The following TP63 variants were observed in gnomAD, a reference collection of about 807,000 sequenced individuals.
TP63 encodes tumor protein 63.
In TP63, 17 loss-of-function variants were observed where a neutral mutation model predicts 82.8. The observed-to-expected ratio is 0.21, with a 90% CI of 0.14 to 0.31. The LOEUF is 0.31. Among genes scored for constraint, TP63 ranks in the 10% least tolerant of loss-of-function variants. The pLI, the probability that TP63 is intolerant of heterozygous loss-of-function variation, is 1.00. For synonymous variants in TP63, 330 were observed against 321.7 expected (o/e 1.03, Z -0.28); for missense variants, 648 against 895.3 (o/e 0.72, Z 3.52).
chr3:189,808,169 G>T, intron 3 of TP63, 103 bp from the exon 4 acceptor site: 1 of 1,593,610 alleles, frequency 6.3e-7, no homozygotes, highest in Non-Finnish European at 8.6e-7. Context: ...CTTCCGACGT[G>T]AGGTCCATCT....
At chr3:189,639,986 A>T (rs972647117) in intron 1 of TP63, among the ~76,000 whole-genome samples, 34 of 152,106 alleles carry the variant, frequency 2.2e-4, no homozygotes, top group Admixed American at 2.6e-4. Context: ...TAAAAACATC[A>T]AACTTTAAAT....
intron 1 of TP63, among the ~76,000 whole-genome samples, chr3:189,707,602 G>A (rs908075698): frequency 6.6e-6 from 1 of 152,052 alleles, no homozygotes; most frequent in Admixed American, 6.6e-5. Context: ...TTTTACATAT[G>A]TCATAGTAAA....
chr3:189,637,495 T>C (rs1458462416), intron 1 of TP63, among the ~76,000 whole-genome samples: 2 of 152,156 alleles, frequency 1.3e-5, no homozygotes, highest in Admixed American at 6.6e-5. Context: ...TCTTATACTT[T>C]AGAATTAAGG....
chr3:189,800,876 A>G (rs1266975223), intron 3 of TP63, among the ~76,000 whole-genome samples: 3 of 152,294 alleles, frequency 2.0e-5, no homozygotes, highest in Middle Eastern at 3.4e-3. Flanking sequence ...TGGAAGATGG[A>G]TGATAAGTAG....
chr3:189,708,398 G>C (rs1395114895), intron 1 of TP63, among the ~76,000 whole-genome samples: 1 of 152,174 alleles, frequency 6.6e-6, no homozygotes, highest in Non-Finnish European at 1.5e-5. Context: ...TTTTGGTTCA[G>C]TCATTTATAC....
chr3:189,680,244 TTA>T (rs2108689684), intron 1 of TP63, among the ~76,000 whole-genome samples: 1 of 152,242 alleles, frequency 6.6e-6, no homozygotes, highest in Admixed American at 6.5e-5. Flanking sequence ...ATATTTTCAT[TTA>T]TATGTGTCTT....
chr3:189,784,528 GT>G (rs2108581826), intron 3 of TP63, among the ~76,000 whole-genome samples: 1 of 152,146 alleles, frequency 6.6e-6, no homozygotes, highest in Non-Finnish European at 1.5e-5. Flanking sequence ...AATTTTGTGA[GT>G]ATTAAATGAG....
intron 4 of TP63, among the ~76,000 whole-genome samples, chr3:189,812,820 C>A (rs1215157589): frequency 6.6e-6 from 1 of 152,012 alleles, no homozygotes; most frequent in Non-Finnish European, 1.5e-5. Flanking sequence ...AACTTTAGTA[C>A]CTTTAGTTGT....
intron 1 of TP63, among the ~76,000 whole-genome samples, chr3:189,727,475 G>A (rs1719853930): frequency 6.6e-6 from 1 of 152,202 alleles, no homozygotes; most frequent in East Asian, 1.9e-4. Context: ...GAGGTTGCAA[G>A]ATCACTGTTA....
intron 1 of TP63, among the ~76,000 whole-genome samples, chr3:189,736,265 T>C (rs989616187): frequency 6.6e-6 from 1 of 151,766 alleles, no homozygotes; most frequent in African/African-American, 2.4e-5. Flanking sequence ...ACATAGCATA[T>C]AAGTTTCTTC....
chr3:189,868,531 C>T (rs1297386531), intron 7 of TP63, 49 bp from the exon 8 acceptor site: 1 of 1,609,728 alleles, frequency 6.2e-7, no homozygotes, highest in Admixed American at 1.7e-5. Flanking sequence ...AGGGGACTTT[C>T]AAAATGCTTT....
chr3:189,807,681 C>T (rs1486561534), intron 3 of TP63, among the ~76,000 whole-genome samples: 2 of 152,170 alleles, frequency 1.3e-5, no homozygotes, highest in African/African-American at 4.8e-5. Context: ...GTGTCCCTAA[C>T]CCCGCTACCC....
At chr3:189,685,728 G>A (rs1024072834) in intron 1 of TP63, among the ~76,000 whole-genome samples, 2 of 152,098 alleles carry the variant, frequency 1.3e-5, no homozygotes, top group Non-Finnish European at 2.9e-5. Flanking sequence ...TAGCAATATT[G>A]ATATTAAATT....
chr3:189,778,701 C>T (rs944046665), intron 3 of TP63, among the ~76,000 whole-genome samples: 6 of 152,166 alleles, frequency 3.9e-5, no homozygotes, highest in African/African-American at 1.4e-4. Context: ...TAAAGAGATG[C>T]TTAGACTGAA....
intron 4 of TP63, among the ~76,000 whole-genome samples, chr3:189,841,136 A>G (rs905791599): frequency 6.6e-6 from 1 of 152,184 alleles, no homozygotes; most frequent in Non-Finnish European, 1.5e-5. Context: ...ACAGGAAGAC[A>G]TCCTGCAATG....
intron 1 of TP63, among the ~76,000 whole-genome samples, chr3:189,672,660 G>A (rs371681056): frequency 0.021 from 2,200 of 102,892 alleles, 23 homozygotes; most frequent in Non-Finnish European, 0.029. Context: ...GAGGAAGGAA[G>A]GAAAGAAGGA....
chr3:189,617,563 A>AG, the TP63 span, among the ~76,000 whole-genome samples: 1 of 152,196 alleles, frequency 6.6e-6, no homozygotes, highest in Non-Finnish European at 1.5e-5. Context: ...TGAGTTTTTT[A>AG]GGGGTCATAT....
At chr3:189,827,667 T>C (rs1711615469) in intron 4 of TP63, among the ~76,000 whole-genome samples, 1 of 151,446 alleles carries the variant, frequency 6.6e-6, no homozygotes, top group Non-Finnish European at 1.5e-5. Context: ...AGTCTAGGAG[T>C]GGGAAGCAGT....
chr3:189,744,132 T>C (rs371720132), intron 3 of TP63, among the ~76,000 whole-genome samples: 3 of 152,274 alleles, frequency 2.0e-5, no homozygotes, highest in African/African-American at 7.2e-5. Context: ...CTGCCTGGAA[T>C]GGCTGCCACC....
Sources: gnomAD v4.1 joint callset for allele counts (sites outside exome capture counted in the v4.1 genomes callset) on GRCh38, gnomAD v4.1.1 for gene constraint, MANE v1.5 for transcripts, NCBI Gene and HGNC (gene_info 2026-07-23, HGNC 2026-07-21) for gene names.